The following AUTS2 variants were observed in gnomAD, a reference collection of about 807,000 sequenced individuals.
AUTS2 encodes activator of transcription and developmental regulator AUTS2, also known as autism susceptibility gene 2 protein.
In AUTS2, 17 loss-of-function variants were observed where a neutral mutation model predicts 112.4. That is an observed-to-expected ratio of 0.15 (90% CI 0.10 to 0.23). AUTS2 has a LOEUF of 0.23. Ranked by LOEUF, AUTS2 falls within the 10% of genes least tolerant of loss-of-function variation. The pLI is 1.00. For missense variants in AUTS2, 1,510 were observed against 1,701.6 expected, an observed-to-expected ratio of 0.89 and a Z score of 1.98; for synonymous variants, 751 against 702.7, an observed-to-expected ratio of 1.07 and a Z score of -1.09.
In AUTS2 at chr7:70,698,577, T is replaced by C. The variant is rs1390162090; in HGVS notation, c.699T>C (p.Asp233=). 9 of 1,607,182 alleles carry C rather than the reference T, an allele frequency of 5.6e-6. No homozygotes were observed. Among genetic ancestry groups the C allele is most frequent in the Non-Finnish European group, 7.6e-6 (9 of 1,176,814 alleles). ...SDSDQEEKAS[D]ASSEKLFNTV... Reference sequence around the variant, plus strand: ...CCCTTCTTGTTTTTCAGGCATCAGATGCCAGCTCTGAAAAACTCTTCAACA... The same window carrying C: ...CCCTTCTTGTTTTTCAGGCATCAGACGCCAGCTCTGAAAAACTCTTCAACA... The change falls in exon 6 of 19, where the codon GAT becomes GAC. Residue 233 remains aspartate (D), a synonymous_variant. Coordinates refer to ENST00000342771, the MANE Select transcript of AUTS2 (RefSeq NM_015570.4).
At chr7:69,775,308 C>T (rs748859783) in intron 1 of AUTS2, among the ~76,000 whole-genome samples, 1 of 152,084 alleles carries the variant, frequency 6.6e-6, no homozygotes, top group Non-Finnish European at 1.5e-5. Context: ...TGTCCCAGGG[C>T]GTGGTGCTTT....
intron 5 of AUTS2, among the ~76,000 whole-genome samples, chr7:70,550,752 T>C (rs1289082272): frequency 6.6e-6 from 1 of 152,166 alleles, no homozygotes; most frequent in East Asian, 1.9e-4. Flanking sequence ...TAGAAATCTT[T>C]ACAGATCTGT....
At chr7:69,690,303 A>C (rs542004112) in intron 1 of AUTS2, among the ~76,000 whole-genome samples, 1 of 152,210 alleles carries the variant, frequency 6.6e-6, no homozygotes, top group African/African-American at 2.4e-5. Context: ...TTCTCTATGT[A>C]TGAATTGCTC....
At chr7:70,541,432 G>T (rs552306116) in intron 5 of AUTS2, among the ~76,000 whole-genome samples, 1 of 152,272 alleles carries the variant, frequency 6.6e-6, no homozygotes, top group East Asian at 1.9e-4. Context: ...TCTGCTCCAC[G>T]TATATGTGTG....
chr7:70,017,888 C>A (rs1392572380), intron 2 of AUTS2, among the ~76,000 whole-genome samples: 1 of 148,548 alleles, frequency 6.7e-6, no homozygotes, highest in African/African-American at 2.5e-5. Flanking sequence ...TTTTACTGAT[C>A]ACATTTTGAA....
intron 5 of AUTS2, among the ~76,000 whole-genome samples, chr7:70,613,324 G>T (rs13241432): frequency 1.3e-5 from 2 of 151,938 alleles, no homozygotes; most frequent in African/African-American, 4.8e-5. Context: ...TGAAATCAAG[G>T]CTGTAGAGAC....
At chr7:70,225,077 G>T (rs1280107597) in intron 4 of AUTS2, among the ~76,000 whole-genome samples, 1 of 152,138 alleles carries the variant, frequency 6.6e-6, no homozygotes, top group African/African-American at 2.4e-5. Flanking sequence ...AGTCTTCCTT[G>T]TTAATTGAAA....
intron 2 of AUTS2, among the ~76,000 whole-genome samples, chr7:69,992,164 A>G (rs986876632): frequency 6.6e-6 from 1 of 152,192 alleles, no homozygotes; most frequent in Non-Finnish European, 1.5e-5. Context: ...TGAGACGGAA[A>G]AGGAGCATTG....
chr7:70,749,982 G>GACTC (rs1201995158), intron 6 of AUTS2, among the ~76,000 whole-genome samples: 1 of 152,192 alleles, frequency 6.6e-6, no homozygotes, highest in Non-Finnish European at 1.5e-5. Flanking sequence ...AAACTTGACT[G>GACTC]AGGTCGCTGA....
In AUTS2 at chr7:70,446,082, G is replaced by C. The variant is rs138358211; in HGVS notation, c.690+10301G>C. On this transcript the variant is annotated intron_variant, in intron 5 of 18. Coordinates refer to ENST00000342771, the MANE Select transcript of AUTS2 (RefSeq NM_015570.4). Reference sequence around the variant, plus strand: ...TGGCTCCTGCACTGCACCCTCTAAGGTAGTTTTGTTCTGAGTTATAATTCG... The same window carrying C: ...TGGCTCCTGCACTGCACCCTCTAAGCTAGTTTTGTTCTGAGTTATAATTCG... 3.3e-5 allele frequency among the ~76,000 whole-genome samples: 5 copies of C among 152,266 alleles called. No individual in the cohort carries two copies. The East Asian group carries it at 9.7e-4, about 29-fold the overall frequency.
Position 70,238,614 on chromosome 7 carries a change from A to G in AUTS2, c.660+104043A>G, listed in dbSNP as rs550662048. ...ACCACTGTATCATGCTTTACATTTT[A>G]TGTCTCCTCCTTGCCTATAGACAGT... On this transcript the variant is annotated intron_variant, in intron 4 of 18. Transcript: ENST00000342771. Among the ~76,000 whole-genome samples the G allele has an allele frequency of 3.3e-5, 5 of 151,662 alleles. No homozygotes were observed. The East Asian group carries it at 7.8e-4, about 24-fold the overall frequency.
intron 5 of AUTS2, among the ~76,000 whole-genome samples, chr7:70,629,935 T>C (rs1275751768): frequency 6.6e-6 from 1 of 152,110 alleles, no homozygotes; most frequent in Non-Finnish European, 1.5e-5. Context: ...GTGTAGTCCA[T>C]ATTTCAATTA....
intron 4 of AUTS2, among the ~76,000 whole-genome samples, chr7:70,376,764 G>A (rs1407895185): frequency 1.3e-5 from 2 of 150,134 alleles, no homozygotes; most frequent in Non-Finnish European, 3.0e-5. Context: ...GATAAGGAAA[G>A]TGCTTAATTA....
rs75497035 is a variant in AUTS2, at chr7:70,000,111, T to A, written c.522+100613T>A. On this transcript the variant is annotated intron_variant, in intron 2 of 18. Transcript: ENST00000342771. ...CAAGATTCACATTGTGCTCAAAGTG[T>A]TCCTGCTATGTCAAGCACATTGAAA... 3.9e-4 allele frequency among the ~76,000 whole-genome samples: 60 copies of A among 152,352 alleles called. 1 individual carries two copies. The East Asian group carries it at 0.011, about 28-fold the overall frequency.
At chr7:69,729,365 C>G (rs546450376) in intron 1 of AUTS2, among the ~76,000 whole-genome samples, 2 of 149,728 alleles carry the variant, frequency 1.3e-5, no homozygotes, top group Non-Finnish European at 3.0e-5. Flanking sequence ...GAAAACTTAT[C>G]TTTAAGAAGT....
chr7:70,763,777 A>C (rs1470233223), intron 7 of AUTS2, among the ~76,000 whole-genome samples: 2 of 152,196 alleles, frequency 1.3e-5, no homozygotes, highest in Admixed American at 1.3e-4. Context: ...CTCCAAAGGC[A>C]GGAAGATTGG....
chr7:70,231,303 A>C (rs959864162), intron 4 of AUTS2, among the ~76,000 whole-genome samples: 7 of 152,296 alleles, frequency 4.6e-5, no homozygotes, highest in African/African-American at 1.7e-4. Context: ...ACTCGTAATC[A>C]CCACCCAGAT....
At chr7:70,754,846 C>A (rs550968030) in intron 6 of AUTS2, among the ~76,000 whole-genome samples, 22 of 152,274 alleles carry the variant, frequency 1.4e-4, no homozygotes, top group African/African-American at 5.3e-4. Flanking sequence ...GCTAGTGCCC[C>A]CCACATAGTT....
intron 2 of AUTS2, among the ~76,000 whole-genome samples, chr7:69,979,715 G>A (rs1468671324): frequency 2.6e-5 from 4 of 152,282 alleles, no homozygotes; most frequent in Admixed American, 6.5e-5. Context: ...TCATTAAGCC[G>A]TGTTACCCTT....
Sources: allele counts gnomAD v4.1 joint callset (sites outside exome capture counted in the v4.1 genomes callset), GRCh38; gene constraint gnomAD v4.1.1; transcripts MANE v1.5; gene names NCBI Gene and HGNC (gene_info 2026-07-23, HGNC 2026-07-21).